The following AHDC1 variants were observed in gnomAD, a reference collection of about 807,000 sequenced individuals.
The protein encoded by AHDC1 is transcription factor Gibbin.
Under a neutral mutation model 87.9 loss-of-function variants are expected in AHDC1, and 7 were observed. That is an observed-to-expected ratio of 0.08 (90% CI 0.05 to 0.15). The LOEUF is 0.15. Among genes scored for constraint, AHDC1 ranks in the 10% least tolerant of loss-of-function variants. AHDC1 has a pLI of 1.00. For synonymous variants in AHDC1, 1,051 were observed against 1,006.8 expected (o/e 1.04, Z -0.83); for missense variants, 1,841 against 2,253.2 (o/e 0.82, Z 3.70).
In AHDC1 at chr1:27,534,261, G is replaced by GTTTTTTTTTTTTTTTTT. The variant is rs1195913812; in HGVS notation, c.*698_*699insAAAAAAAAAAAAAAAAA. ...GACACAAGGTTGGTTTTTTTTTTTTGTTTTTTTTTTGTTTTTTTTTTGCTT... is the reference window on the plus strand; with the variant it reads ...GACACAAGGTTGGTTTTTTTTTTTTGTTTTTTTTTTTTTTTTTTTTTTTTTTTGTTTTTTTTTTGCTT... On this transcript the variant is annotated 3_prime_UTR_variant, in exon 9 of 9. Transcript: ENST00000673934. The GTTTTTTTTTTTTTTTTT allele has an allele frequency of 1.1e-5, 1 of 89,648 alleles. No homozygotes were observed. The allele number at this position is 89,648 out of a possible 1,614,324, so 5.6% of individuals were successfully genotyped here. A position where few individuals can be genotyped will look rare whatever the true frequency, so the allele number is the denominator to read the frequency against.
Position 27,551,585 on chromosome 1 carries a change from G to A in AHDC1, c.531C>T (p.Ile177=). Residue 177 remains isoleucine (I), a synonymous_variant, in exon 8 of 9, where the codon ATC becomes ATT. Transcript: ENST00000673934. ...FFSSPSLANS[I]RSPEERATPH... The stretch of plus-strand genomic sequence containing the variant: ...GGGTGGCCCGCTCCTCAGGGCTACG[G>A]ATGCTGTTGGCCAAACTGGGTGAGG... 1 of 1,611,232 alleles carries A rather than the reference G, an allele frequency of 6.2e-7. No homozygotes were observed. Among genetic ancestry groups the A allele is most frequent in the East Asian group, 2.2e-5 (1 of 44,780 alleles).
intron 3 of AHDC1, among the ~76,000 whole-genome samples, chr1:27,602,392 G>A (rs2089553709): frequency 6.6e-6 from 1 of 152,172 alleles, no homozygotes; most frequent in African/African-American, 2.4e-5. Flanking sequence ...AGGAGGCTGG[G>A]GGGTCAGGCT....
At chr1:27,571,274 G>A (rs1425775727) in intron 3 of AHDC1, among the ~76,000 whole-genome samples, 1 of 152,142 alleles carries the variant, frequency 6.6e-6, no homozygotes, top group Non-Finnish European at 1.5e-5. Flanking sequence ...TGCTGAGGGT[G>A]GAGAAGGAAA....
rs2019928506 is a variant in AHDC1, at chr1:27,558,558, T to C, written c.-450-28A>G. 2.5e-6 allele frequency: 1 copy of C among 393,824 alleles called. No homozygotes were observed. Among genetic ancestry groups the C allele is most frequent in the Non-Finnish European group, 4.5e-6 (1 of 223,616 alleles). 24.4% of individuals were successfully genotyped at this position (393,824 alleles called of 1,614,324 possible). ...GGATAATGGGGAGTTTGAGTAAATGTTGGGTTAATATGTTTTGATTCTGTA... is the reference window on the plus strand; with the variant it reads ...GGATAATGGGGAGTTTGAGTAAATGCTGGGTTAATATGTTTTGATTCTGTA... On this transcript the variant is annotated intron_variant, in intron 4 of 8. Transcript: ENST00000673934. This position sits in a 1 kb window ranked among gnomAD's most constrained non-coding sequence, Gnocchi z 5.6.
rs767888427 is a variant in AHDC1 at position 27,550,447 on chromosome 1, C to T, written c.1669G>A (p.Gly557Ser). The T allele has an allele frequency of 3.1e-6, 5 of 1,608,260 alleles. No individual in the cohort carries two copies. Among genetic ancestry groups the T allele is most frequent in the Admixed American group, 3.3e-5 (2 of 59,732 alleles). ...GCTGGCTCCTTGGGCTTGCCGGGACCCAGCAGCAGGTTCTTAGGAGGGCGG... is the reference window on the plus strand; with the variant it reads ...GCTGGCTCCTTGGGCTTGCCGGGACTCAGCAGCAGGTTCTTAGGAGGGCGG... ...RGRPPKNLLLGPGKPKEPAVV... is the reference protein window; with the variant it reads ...RGRPPKNLLLSPGKPKEPAVV... The change falls in exon 8 of 9, where the codon GGT (glycine) becomes AGT (serine). Residue 557 changes from glycine to serine, a missense_variant. Gly to Ser is a moderately conservative substitution (Grantham distance 56, BLOSUM62 0). Around this residue, in one of 13 missense-constraint regions of AHDC1, gnomAD observed 84 missense variants for 111.7 expected, o/e 0.75. Transcript: ENST00000673934.
intron 5 of AHDC1, among the ~76,000 whole-genome samples, chr1:27,554,836 TG>T (rs1260740334): frequency 6.6e-6 from 1 of 152,196 alleles, no homozygotes; most frequent in Non-Finnish European, 1.5e-5. Flanking sequence ...TACTCCCCTT[TG>T]GGGGACAGCG....
At chr1:27,539,126 T>C (rs1443218405) in intron 8 of AHDC1, among the ~76,000 whole-genome samples, 1 of 150,890 alleles carries the variant, frequency 6.6e-6, no homozygotes, top group Non-Finnish European at 1.5e-5. Flanking sequence ...CCAGAGAAGC[T>C]TTTTTTCTTT....
chr1:27,588,411 A>G (rs1305104582), intron 3 of AHDC1, among the ~76,000 whole-genome samples: 1 of 152,212 alleles, frequency 6.6e-6, no homozygotes, highest in Non-Finnish European at 1.5e-5. Context: ...TGCTCAATCA[A>G]TATTTGTTGA....
At chr1:27,601,743 T>A (rs2089533626) in intron 3 of AHDC1, among the ~76,000 whole-genome samples, 1 of 152,116 alleles carries the variant, frequency 6.6e-6, no homozygotes, top group South Asian at 2.1e-4. Flanking sequence ...AGACTGGTAA[T>A]CTTTCACTTA....
intron 3 of AHDC1, among the ~76,000 whole-genome samples, chr1:27,576,892 C>A (rs1183848157): frequency 6.6e-6 from 1 of 152,174 alleles, no homozygotes. Flanking sequence ...CACTGGCCAT[C>A]CTGAGTCTAG....
Position 27,588,879 on chromosome 1 carries a change from T to C in AHDC1, c.-629+14518A>G, listed in dbSNP as rs554813718. 6.6e-5 allele frequency among the ~76,000 whole-genome samples: 10 copies of C among 151,178 alleles called. No individual in the cohort carries two copies. The South Asian group carries it at 2.1e-3, about 32-fold the overall frequency. Reference sequence around the variant, plus strand: ...ATGCCGTGTGTGTACATGATGGAGGTTGTGCACTTCTGCTAGGAGGGAGTG... The same window carrying C: ...ATGCCGTGTGTGTACATGATGGAGGCTGTGCACTTCTGCTAGGAGGGAGTG... On this transcript the variant is annotated intron_variant, in intron 3 of 8. Coordinates refer to ENST00000673934, the MANE Select transcript of AHDC1 (RefSeq NM_001371928.1).
chr1:27,576,471 G>A (rs1404466786), intron 3 of AHDC1, among the ~76,000 whole-genome samples: 14 of 152,182 alleles, frequency 9.2e-5, no homozygotes, highest in Admixed American at 9.2e-4. Context: ...ATTAGCATGC[G>A]CTAACTCAAT....
chr1:27,536,960 G>GCGGTGC (rs2018667624), intron 8 of AHDC1, among the ~76,000 whole-genome samples: 1 of 148,510 alleles, frequency 6.7e-6, no homozygotes, highest in Non-Finnish European at 1.5e-5. Flanking sequence ...AACCATTCCC[G>GCGGTGC]CGGTGCCTGC....
intron 8 of AHDC1, among the ~76,000 whole-genome samples, chr1:27,541,061 TG>T (rs1228492301): frequency 7.6e-5 from 5 of 65,984 alleles, no homozygotes; most frequent in African/African-American, 3.0e-4. Flanking sequence ...GTGGCCATAA[TG>T]GGGAGAATGA....
In AHDC1 at chr1:27,550,057, C is replaced by G; in HGVS notation, c.2059G>C (p.Ala687Pro). 6.2e-7 allele frequency: 1 copy of G among 1,605,450 alleles called. No individual in the cohort carries two copies. Among genetic ancestry groups the G allele is most frequent in the Non-Finnish European group, 8.5e-7 (1 of 1,174,936 alleles). ...AAGAAGTCACTGAAGGAGCATCGGGCTGACTTGGCCGCATGGCCCCCACCC... is the reference window on the plus strand; with the variant it reads ...AAGAAGTCACTGAAGGAGCATCGGGGTGACTTGGCCGCATGGCCCCCACCC... Reference protein sequence around the residue: ...GRGGGHAAKSARCSFSDFFEG... With the variant: ...GRGGGHAAKSPRCSFSDFFEG... The change falls in exon 8 of 9, where the codon GCC becomes CCC. Residue 687 changes from alanine (A) to proline (P), a missense_variant. Coordinates refer to ENST00000673934, the MANE Select transcript of AHDC1 (RefSeq NM_001371928.1).
intron 3 of AHDC1, among the ~76,000 whole-genome samples, chr1:27,573,795 A>T (rs1381811807): frequency 6.6e-6 from 1 of 152,216 alleles, no homozygotes; most frequent in Non-Finnish European, 1.5e-5. Flanking sequence ...TCTGCGATGC[A>T]TGAGTAAAGA....
chr1:27,574,240 C>A (rs1454137483), intron 3 of AHDC1, among the ~76,000 whole-genome samples: 1 of 152,236 alleles, frequency 6.6e-6, no homozygotes, highest in Non-Finnish European at 1.5e-5. Flanking sequence ...AAAAGGAGCA[C>A]TGTGAGGAGA....
rs549957095 is a variant in AHDC1 at position 27,534,614 on chromosome 1, C to T, written c.*346G>A. 3.9e-5 allele frequency: 6 copies of T among 151,982 alleles called. No individual in the cohort carries two copies. The highest frequency in any genetic ancestry group is 3.4e-3 in the Middle Eastern group (1 of 290). The allele number at this position is 151,982 out of a possible 1,614,324, so 9.4% of individuals were successfully genotyped here. A position where few individuals can be genotyped will look rare whatever the true frequency, so the allele number is the denominator to read the frequency against. ...AGGGGCTCTGGACACCTCGGGGCCC[C>T]GCTCGCAACCTCTTGCACACGCTCG... On this transcript the variant is annotated 3_prime_UTR_variant, in exon 9 of 9. Transcript: ENST00000673934.
Position 27,549,233 on chromosome 1 carries a change from G to C in AHDC1, c.2883C>G (p.His961Gln), listed in dbSNP as rs2019376913. The change falls in exon 8 of 9, where the codon CAC (histidine) becomes CAG (glutamine). Residue 961 changes from histidine (H) to glutamine (Q), a missense_variant. Physicochemically the swap from His to Gln is conservative, Grantham distance 24 (BLOSUM62 0). This residue lies in a region of AHDC1 where 378 missense variants were observed against 399.0 expected (regional missense o/e 0.95). Coordinates refer to ENST00000673934, the MANE Select transcript of AHDC1 (RefSeq NM_001371928.1). ...GGGGCAGGTAGGTGTTGGCAGGCGG[G>C]TGGGTGGTAGGTGAGCGGGCCATGG... The part of the protein sequence containing the change: ...PSAMARSPTT[H>Q]PPANTYLPQY... 26 of 1,604,772 alleles carry C rather than the reference G, an allele frequency of 1.6e-5. No homozygotes were observed. The highest frequency in any genetic ancestry group is 2.0e-5 in the Non-Finnish European group (23 of 1,174,896).
Sources: gnomAD v4.1 joint callset for allele counts (sites outside exome capture counted in the v4.1 genomes callset) on GRCh38, gnomAD v4.1.1 for gene constraint, gnomAD v4.1.1 regional missense constraint, Gnocchi (gnomAD v3.1) non-coding constraint, MANE v1.5 for transcripts, NCBI Gene and HGNC (gene_info 2026-07-23, HGNC 2026-07-21) for gene names.